The following RAB37 variants were observed in gnomAD, a reference collection of about 807,000 sequenced individuals.
RAB37 encodes RAB37, member RAS oncogene family, also known as ras-related protein Rab-37.
In RAB37, 29 loss-of-function variants were observed where a neutral mutation model predicts 33.1. The ratio of observed to expected loss-of-function variants is 0.88; its 90% CI spans 0.65 to 1.20. The LOEUF (loss-of-function observed/expected upper bound fraction) is 1.20, where lower values mean the gene tolerates loss of function less well. Ranked by LOEUF, RAB37 falls within the 50% of genes most tolerant of loss-of-function variation. RAB37 has a pLI of 0.00. For missense variants in RAB37, 299 were observed against 301.1 expected (o/e 0.99, Z 0.05); for synonymous variants, 128 against 119.5 (o/e 1.07, Z -0.47).
chr17:74,705,796 T>C (rs1398187308), intron 1 of RAB37, among the ~76,000 whole-genome samples: 1 of 152,140 alleles, frequency 6.6e-6, no homozygotes, highest in East Asian at 1.9e-4. Flanking sequence ...GATTTTGCCA[T>C]GTTGTCCAAG....
intron 1 of RAB37, among the ~76,000 whole-genome samples, chr17:74,709,506 C>A (rs2033792515): frequency 6.6e-6 from 1 of 152,052 alleles, no homozygotes; most frequent in Non-Finnish European, 1.5e-5. Context: ...CTTTTTTGTA[C>A]ATTTTATTTT....
chr17:74,739,552 CAG>C lies in RAB37; in HGVS notation c.94-1213_94-1212del, dbSNP rs754793438. Reference sequence around the variant, plus strand: ...TTTTTTTTTTTTTTTTTTTTTGAGACAGAGTGTCGCTCTGTCACCGAGGCTGG... The same window carrying C: ...TTTTTTTTTTTTTTTTTTTTTGAGACAGTGTCGCTCTGTCACCGAGGCTGG... On this transcript the variant is annotated intron_variant, in intron 1 of 8. Coordinates refer to ENST00000392613, the MANE Select transcript of RAB37 (RefSeq NM_001006638.3). Among the ~76,000 whole-genome samples the C allele has an allele frequency of 4.3e-3, 509 of 119,468 alleles. 2 individuals carry two copies. Among genetic ancestry groups the C allele is most frequent in the Non-Finnish European group, 7.3e-3 (440 of 60,594 alleles). 78.4% of individuals were successfully genotyped at this position (119,468 alleles called of 152,430 possible).
chr17:74,737,495 G>A, intron 1 of RAB37, 130 bp downstream of exon 1: 1 of 1,092,712 alleles, frequency 9.2e-7, no homozygotes, highest in Non-Finnish European at 1.3e-6. Flanking sequence ...AGAGGGTCAG[G>A]ACACAGCCTC....
chr17:74,682,953 T>C (rs933054059), intron 1 of RAB37, among the ~76,000 whole-genome samples: 2 of 152,168 alleles, frequency 1.3e-5, no homozygotes, highest in African/African-American at 4.8e-5. Context: ...TGGGATGGTG[T>C]CATCTGGAGG....
intron 1 of RAB37, among the ~76,000 whole-genome samples, chr17:74,721,722 C>T (rs1004616374): frequency 6.6e-6 from 1 of 152,158 alleles, no homozygotes; most frequent in Non-Finnish European, 1.5e-5. Context: ...AGCCACCACG[C>T]CTGGTCCTCT....
intron 1 of RAB37, among the ~76,000 whole-genome samples, chr17:74,726,674 C>T (rs2034311337): frequency 6.6e-6 from 1 of 152,208 alleles, no homozygotes; most frequent in South Asian, 2.1e-4. Flanking sequence ...AGTCATGGGA[C>T]ATCCAAAGTC....
In RAB37 at chr17:74,745,306, G is replaced by A. The variant is rs760012214; in HGVS notation, c.567G>A (p.Lys189=). Residue 189 remains lysine (K), a splice_region_variant and synonymous_variant, in exon 9 of 9, where the codon AAG becomes AAA. Transcript: ENST00000392613. The surrounding 1 kb of genome is among the most constrained non-coding windows in gnomAD (Gnocchi z 4.5). The part of the protein sequence containing the change: ...NVELAFLAIA[K]ELKYRAGHQA... The stretch of plus-strand genomic sequence containing the variant: ...CCCAGCCCATTGTCTCTTCTTCAAG[G>A]GAACTGAAATACCGGGCCGGGCATC... 45 of 1,613,666 alleles carry A rather than the reference G, an allele frequency of 2.8e-5. No homozygotes were observed. The highest frequency in any genetic ancestry group is 3.7e-5 in the Non-Finnish European group (44 of 1,179,872).
chr17:74,723,810 G>A (rs1417853798), intron 1 of RAB37, among the ~76,000 whole-genome samples: 3 of 151,982 alleles, frequency 2.0e-5, no homozygotes, highest in Non-Finnish European at 4.4e-5. Context: ...TCCTGACCTC[G>A]TGATCCACTT....
At chr17:74,689,686 A>C (rs1470299891) in intron 1 of RAB37, among the ~76,000 whole-genome samples, 1 of 152,154 alleles carries the variant, frequency 6.6e-6, no homozygotes, top group African/African-American at 2.4e-5. Context: ...CCAATCTAAA[A>C]AATTTATTGG....
rs778056092 is a variant in RAB37, at chr17:74,745,290, TTG to T, written c.567-14_567-13del. Reference sequence around the variant, plus strand: ...GCCCAGCCCAGCCCAGCCCAGCCCATTGTCTCTTCTTCAAGGGAACTGAAATA... The same window carrying T: ...GCCCAGCCCAGCCCAGCCCAGCCCATTCTCTTCTTCAAGGGAACTGAAATA... On this transcript the variant is annotated splice_polypyrimidine_tract_variant and intron_variant, in intron 8 of 8. Transcript: ENST00000392613. This position sits in a 1 kb window ranked among gnomAD's most constrained non-coding sequence, Gnocchi z 4.5. 109 of 1,520,416 alleles carry T rather than the reference TTG, an allele frequency of 7.2e-5. No individual in the cohort carries two copies. The highest frequency in any genetic ancestry group is 9.2e-5 in the East Asian group (4 of 43,516). The allele number at this position is 1,520,416 out of a possible 1,614,324, so 94.2% of individuals were successfully genotyped here. A position where few individuals can be genotyped will look rare whatever the true frequency, so the allele number is the denominator to read the frequency against.
At chr17:74,719,735 C>T (rs903465271) in intron 1 of RAB37, among the ~76,000 whole-genome samples, 3 of 152,028 alleles carry the variant, frequency 2.0e-5, no homozygotes, top group Admixed American at 6.6e-5. Context: ...AAGCTGGTCT[C>T]GAACTCCTGG....
intron 1 of RAB37, among the ~76,000 whole-genome samples, chr17:74,699,308 C>T (rs1598220500): frequency 6.6e-6 from 1 of 152,194 alleles, no homozygotes; most frequent in East Asian, 1.9e-4. Context: ...GGGCAGCAGA[C>T]TCCTAAAACA....
chr17:74,735,022 A>AAGGAAGGAAGG (rs1555594260), upstream of RAB37, among the ~76,000 whole-genome samples: 1 of 24,762 alleles, frequency 4.0e-5, no homozygotes, highest in Non-Finnish European at 9.9e-5. Context: ...AGGAAGGAAG[A>AAGGAAGGAAGG]AAGAAAGAAA....
intron 1 of RAB37, among the ~76,000 whole-genome samples, chr17:74,725,443 A>G (rs374058538): frequency 6.6e-6 from 1 of 152,112 alleles, no homozygotes; most frequent in Middle Eastern, 3.2e-3. Flanking sequence ...CAGTCAGTCT[A>G]CAGGAGGAAT....
chr17:74,691,097 T>G (rs898957345), intron 1 of RAB37, among the ~76,000 whole-genome samples: 4 of 151,958 alleles, frequency 2.6e-5, no homozygotes, highest in African/African-American at 9.7e-5. Flanking sequence ...TTTGTAGAGA[T>G]AGCAATCCTC....
rs1033225083 is a variant in RAB37, at chr17:74,747,177, A to C, written c.*1766A>C. ...GGCTCCAGTTTGGGCCCGATAAGGA[A>C]GTTCTCCGTGGCCTCCCTCAGGCAG... is the stretch of plus-strand genomic sequence containing the variant. On this transcript the variant is annotated 3_prime_UTR_variant, in exon 9 of 9. Transcript: ENST00000392613. 6.6e-6 allele frequency: 1 copy of C among 152,212 alleles called. No homozygotes were observed. The highest frequency in any genetic ancestry group is 1.5e-5 in the Non-Finnish European group (1 of 68,060). 9.4% of individuals were successfully genotyped at this position (152,212 alleles called of 1,614,324 possible). A position where few individuals can be genotyped will look rare whatever the true frequency, so the allele number is the denominator to read the frequency against.
chr17:74,704,855 C>A (rs1405839159), intron 1 of RAB37: 2 of 1,516,124 alleles, frequency 1.3e-6, no homozygotes, highest in Non-Finnish European at 1.8e-6. Context: ...CCTCCCACCC[C>A]AAGGGCAGGG....
At chr17:74,703,698 C>T (rs2033264439) in intron 1 of RAB37, among the ~76,000 whole-genome samples, 1 of 152,188 alleles carries the variant, frequency 6.6e-6, no homozygotes, top group Non-Finnish European at 1.5e-5. Flanking sequence ...CTAGAATATG[C>T]CCCAGAGGCT....
rs1425269031 is a variant in RAB37, at chr17:74,671,336, G to A, written c.-251G>A. ...GAGCGGACAGGATCTCAGAACTCTG[G>A]TCCCGGGCGCACAACGGCGGAGTCG... is the stretch of plus-strand genomic sequence containing the variant. On this transcript the variant is annotated 5_prime_UTR_variant, in exon 1 of 8. Transcript: ENST00000340415. The surrounding 1 kb of genome is among the most constrained non-coding windows in gnomAD (Gnocchi z 5.0). 7.5e-6 allele frequency: 4 copies of A among 530,320 alleles called. No individual in the cohort carries two copies. The highest frequency in any genetic ancestry group is 3.1e-5 in the Admixed American group (1 of 32,544). 32.9% of individuals were successfully genotyped at this position (530,320 alleles called of 1,614,324 possible).
Sources: gnomAD v4.1 joint callset for allele counts (sites outside exome capture counted in the v4.1 genomes callset) on GRCh38, gnomAD v4.1.1 for gene constraint, Gnocchi (gnomAD v3.1) non-coding constraint, MANE v1.5 for transcripts, NCBI Gene and HGNC (gene_info 2026-07-23, HGNC 2026-07-21) for gene names.